PHLPP1: variants seen among roughly 807,000 people sequenced by gnomAD.
PHLPP1 encodes the protein PH domain leucine-rich repeat-containing protein phosphatase 1.
PHLPP1 carries 42 observed loss-of-function variants against 117.2 expected under a neutral mutation model. The observed-to-expected ratio is 0.36, with a 90% CI of 0.28 to 0.46. PHLPP1 has a LOEUF of 0.46. Ranked by LOEUF, PHLPP1 falls within the 20% of genes least tolerant of loss-of-function variation. PHLPP1 has a pLI of 1.00. For missense variants in PHLPP1, 2,084 were observed against 2,241.9 expected (o/e 0.93, Z 1.42); for synonymous variants, 1,042 against 970.7 (o/e 1.07, Z -1.37).
chr18:62,876,937 G>T (rs1916063128), intron 4 of PHLPP1, among the ~76,000 whole-genome samples: 1 of 152,204 alleles, frequency 6.6e-6, no homozygotes, highest in Admixed American at 6.5e-5. Context: ...AAAATGGAGA[G>T]ATGGAGGGGC....
chr18:62,850,658 T>C (rs1915321621), intron 3 of PHLPP1, among the ~76,000 whole-genome samples: 1 of 152,152 alleles, frequency 6.6e-6, no homozygotes, highest in African/African-American at 2.4e-5. Flanking sequence ...CCACCCAAGT[T>C]GAACTCTATT....
At position 62,978,555 on chromosome 18, in the gene PHLPP1, G is replaced by A; in HGVS notation, c.4278G>A (p.Glu1426=). The change falls in exon 17 of 17, where the codon GAG becomes GAA. Residue 1426 remains glutamate (E), a synonymous_variant. Transcript: ENST00000262719. The surrounding 1 kb of genome is among the most constrained non-coding windows in gnomAD (Gnocchi z 7.0). The part of the protein sequence containing the change: ...SAVVVQLSVT[E]DSFCCCELSA... ...TGGTGGTGCAGCTCAGTGTCACTGA[G>A]GACAGCTTCTGCTGCTGCGAGCTCA... 1 of 1,612,518 alleles carries A rather than the reference G, an allele frequency of 6.2e-7. No homozygotes were observed. Among genetic ancestry groups the A allele is most frequent in the Non-Finnish European group, 8.5e-7 (1 of 1,179,336 alleles).
Position 62,715,785 on chromosome 18 carries a change from A to AGCGGCGGCC in PHLPP1, c.111_119dup (p.Ala38_Ala40dup), listed in dbSNP as rs953981343. On this transcript the variant is annotated inframe_insertion, in exon 1 of 17. Transcript: ENST00000262719. The stretch of plus-strand genomic sequence containing the variant: ...CCGCCGCTGCGGCAGCAGCAGCAGC[A>AGCGGCGGCC]GCGGCGGCCGCGGCGGCTCTGGCGG... 2.9e-6 allele frequency: 2 copies of AGCGGCGGCC among 693,156 alleles called. No individual in the cohort carries two copies. Among genetic ancestry groups the AGCGGCGGCC allele is most frequent in the South Asian group, 1.3e-4 (2 of 15,336 alleles). 42.9% of individuals were successfully genotyped at this position (693,156 alleles called of 1,614,324 possible).
chr18:62,835,952 T>C (rs1914883419), intron 2 of PHLPP1, among the ~76,000 whole-genome samples: 1 of 151,648 alleles, frequency 6.6e-6, no homozygotes, highest in Non-Finnish European at 1.5e-5. Flanking sequence ...GACTAATTTT[T>C]GTATTTTTAG....
intron 1 of PHLPP1, among the ~76,000 whole-genome samples, chr18:62,782,675 C>G (rs1913152058): frequency 6.6e-6 from 1 of 152,032 alleles, no homozygotes; most frequent in South Asian, 2.1e-4. Flanking sequence ...TGATTTTATC[C>G]TATTCACTGA....
At chr18:62,895,515 T>C (rs777492319) in intron 5 of PHLPP1, among the ~76,000 whole-genome samples, 1 of 152,246 alleles carries the variant, frequency 6.6e-6, no homozygotes, top group African/African-American at 2.4e-5. Context: ...AATCAATTCA[T>C]ATCACAGTTA....
At chr18:62,924,286 A>C (rs996519455) in intron 10 of PHLPP1, among the ~76,000 whole-genome samples, 1 of 152,022 alleles carries the variant, frequency 6.6e-6, no homozygotes, top group Non-Finnish European at 1.5e-5. Flanking sequence ...CCTTTTTTAT[A>C]TTTTTTTGTG....
intron 14 of PHLPP1, among the ~76,000 whole-genome samples, chr18:62,966,843 A>T (rs556347908): frequency 2.6e-5 from 4 of 152,136 alleles, no homozygotes; most frequent in Non-Finnish European, 5.9e-5. Context: ...TCCTTCACCT[A>T]CCAAAATTTA....
chr18:62,772,302 G>T (rs1017919737), intron 1 of PHLPP1, among the ~76,000 whole-genome samples: 2 of 151,980 alleles, frequency 1.3e-5, no homozygotes, highest in Non-Finnish European at 2.9e-5. Context: ...TCATTATATC[G>T]TATCATGGAA....
At chr18:62,734,207 T>C (rs1187238750) in intron 1 of PHLPP1, among the ~76,000 whole-genome samples, 1 of 151,986 alleles carries the variant, frequency 6.6e-6, no homozygotes, top group Non-Finnish European at 1.5e-5. Flanking sequence ...AGGGAGGTAC[T>C]TTTTTTTAGT....
chr18:62,742,731 G>A (rs981493072), intron 1 of PHLPP1, among the ~76,000 whole-genome samples: 1 of 152,138 alleles, frequency 6.6e-6, no homozygotes, highest in African/African-American at 2.4e-5. Context: ...ACTGCAGCTG[G>A]CCTTTTAAAA....
chr18:62,873,856 T>A (rs138290459), intron 4 of PHLPP1, among the ~76,000 whole-genome samples: 1 of 152,116 alleles, frequency 6.6e-6, no homozygotes, highest in Non-Finnish European at 1.5e-5. Flanking sequence ...ATATTAAGCA[T>A]TGAAATAAAT....
At chr18:62,878,731 T>C (rs1333882490) in intron 4 of PHLPP1, among the ~76,000 whole-genome samples, 6 of 152,174 alleles carry the variant, frequency 3.9e-5, no homozygotes, top group African/African-American at 1.2e-4. Flanking sequence ...GCTGTTTTTT[T>C]CCCCTAATTT....
intron 10 of PHLPP1, among the ~76,000 whole-genome samples, chr18:62,937,423 G>A (rs980980318): frequency 3.3e-5 from 5 of 152,210 alleles, no homozygotes; most frequent in Admixed American, 6.5e-5. Context: ...TGCACACGTG[G>A]TCTTCACATT....
At chr18:62,756,052 A>AT (rs1014780098) in intron 1 of PHLPP1, among the ~76,000 whole-genome samples, 102 of 127,020 alleles carry the variant, frequency 8.0e-4, no homozygotes, top group Non-Finnish European at 1.1e-3. Context: ...TGACTCATTC[A>AT]TTTTTTTTTT....
At chr18:62,863,020 TG>T (rs1158697958) in intron 4 of PHLPP1, among the ~76,000 whole-genome samples, 2 of 151,792 alleles carry the variant, frequency 1.3e-5, no homozygotes, top group Non-Finnish European at 2.9e-5. Flanking sequence ...GTAGCTGACG[TG>T]TACTATGAAA....
chr18:62,941,288 A>G (rs1910123347), intron 10 of PHLPP1, among the ~76,000 whole-genome samples: 1 of 152,178 alleles, frequency 6.6e-6, no homozygotes, highest in Non-Finnish European at 1.5e-5. Flanking sequence ...TAATTTTTAT[A>G]GAGGCAGGAT....
chr18:62,888,023 C>A (rs527362679), intron 4 of PHLPP1, among the ~76,000 whole-genome samples: 1 of 152,246 alleles, frequency 6.6e-6, no homozygotes, highest in African/African-American at 2.4e-5. Context: ...GGATTACAGG[C>A]ATGATGTTTT....
At chr18:62,962,175 G>T (rs766107281) in intron 13 of PHLPP1, among the ~76,000 whole-genome samples, 2 of 152,214 alleles carry the variant, frequency 1.3e-5, no homozygotes, top group Non-Finnish European at 2.9e-5. Context: ...ATTTCACCTT[G>T]TGGTAGCCAG....
Sources: gnomAD v4.1 joint callset for allele counts (sites outside exome capture counted in the v4.1 genomes callset) on GRCh38, gnomAD v4.1.1 for gene constraint, Gnocchi (gnomAD v3.1) non-coding constraint, MANE v1.5 for transcripts, NCBI Gene and HGNC (gene_info 2026-07-23, HGNC 2026-07-21) for gene names.